The following PWWP3A variants were observed in gnomAD, a reference collection of about 807,000 sequenced individuals.
The protein encoded by PWWP3A is PWWP domain-containing DNA repair factor 3A.
A neutral mutation model predicts 79.0 loss-of-function variants in PWWP3A; 53 were observed. That is an observed-to-expected ratio of 0.67 (90% CI 0.54 to 0.84). PWWP3A has a LOEUF of 0.84. PWWP3A is among the 40% of genes least tolerant of loss of function. The probability of loss-of-function intolerance (pLI) is 0.00; values close to 1 mark genes in which losing one functional copy is unlikely to be tolerated. For synonymous variants in PWWP3A, 443 were observed against 394.4 expected, an observed-to-expected ratio of 1.12 and a Z score of -1.46; for missense variants, 973 against 948.0, an observed-to-expected ratio of 1.03 and a Z score of -0.35.
rs1405513451 is a variant in PWWP3A at position 1,377,047 on chromosome 19, C to G, written c.*471C>G. 1 of 152,992 alleles carries G rather than the reference C, an allele frequency of 6.5e-6. No individual in the cohort carries two copies. The highest frequency in any genetic ancestry group is 1.5e-5 in the Non-Finnish European group (1 of 68,690). 9.5% of individuals were successfully genotyped at this position (152,992 alleles called of 1,614,324 possible). A position where few individuals can be genotyped will look rare whatever the true frequency, so the allele number is the denominator to read the frequency against. On this transcript the variant is annotated 3_prime_UTR_variant, in exon 14 of 14. Transcript: ENST00000591337. ...CCCCTTGTGTGGTTTCCGCCTGCGACAGTTCCAGAATTTGCTCTCCCACTC... is the reference window on the plus strand; with the variant it reads ...CCCCTTGTGTGGTTTCCGCCTGCGAGAGTTCCAGAATTTGCTCTCCCACTC...
Position 1,360,934 on chromosome 19 carries a change from C to A in PWWP3A, c.1013C>A (p.Thr338Asn), listed in dbSNP as rs1229384442. Reference sequence around the variant, plus strand: ...GGGCCAGGGCCCAGAGAGTCTGTGACCCCGCGCAGCACCGCCAGGCTGGGC... The same window carrying A: ...GGGCCAGGGCCCAGAGAGTCTGTGAACCCGCGCAGCACCGCCAGGCTGGGC... ...GPGPGPRESVTPRSTARLGPP... is the reference protein window; with the variant it reads ...GPGPGPRESVNPRSTARLGPP... The change falls in exon 5 of 14, where the codon ACC (threonine) becomes AAC (asparagine). Residue 338 changes from threonine (T) to asparagine (N), a missense_variant. Physicochemically the swap from Thr to Asn is moderately conservative, Grantham distance 65. Coordinates refer to ENST00000591337, the MANE Select transcript of PWWP3A (RefSeq NM_001369789.1). This position sits in a 1 kb window ranked among gnomAD's most constrained non-coding sequence, Gnocchi z 4.4. 2.0e-6 allele frequency: 3 copies of A among 1,524,202 alleles called. 1 individual carries two copies. The highest frequency in any genetic ancestry group is 2.6e-6 in the Non-Finnish European group (3 of 1,135,034). The allele number at this position is 1,524,202 out of a possible 1,614,324, so 94.4% of individuals were successfully genotyped here.
chr19:1,366,258 A>G, intron 7 of PWWP3A, 47 bp from the exon 8 acceptor site: 1 of 1,584,904 alleles, frequency 6.3e-7, no homozygotes, highest in Non-Finnish European at 8.7e-7. Flanking sequence ...TTTAAAATCC[A>G]CGATCTCTTT....
chr19:1,369,729 A>G lies in PWWP3A; in HGVS notation c.1549+83A>G. ...CAATCTTCTATGTCTGAAGCTGTGG[A>G]AGGGGACGTTGGGGTCAAGGCACTG... On this transcript the variant is annotated intron_variant, in intron 11 of 13. Coordinates refer to ENST00000591337, the MANE Select transcript of PWWP3A (RefSeq NM_001369789.1). This position sits in a 1 kb window ranked among gnomAD's most constrained non-coding sequence, Gnocchi z 4.0. The G allele has an allele frequency of 6.7e-7, 1 of 1,482,256 alleles. No homozygotes were observed. The highest frequency in any genetic ancestry group is 1.7e-5 in the Admixed American group (1 of 59,832). The allele number at this position is 1,482,256 out of a possible 1,614,324, so 91.8% of individuals were successfully genotyped here.
Position 1,378,196 on chromosome 19 carries a change from C to T in PWWP3A, c.*1620C>T, listed in dbSNP as rs1317567073. ...GGGGACTCGGGGCGGCCAGTACCACCGCCTGAGGCGGGGCTCAGCAGCGTT... is the reference window on the plus strand; with the variant it reads ...GGGGACTCGGGGCGGCCAGTACCACTGCCTGAGGCGGGGCTCAGCAGCGTT... On this transcript the variant is annotated 3_prime_UTR_variant, in exon 14 of 14. Transcript: ENST00000591337. 3 of 152,286 alleles carry T rather than the reference C, an allele frequency of 2.0e-5. No individual in the cohort carries two copies. In the South Asian group the frequency reaches 6.2e-4, roughly 31 times the overall value. The allele number at this position is 152,286 out of a possible 1,614,324, so 9.4% of individuals were successfully genotyped here. A position where few individuals can be genotyped will look rare whatever the true frequency, so the allele number is the denominator to read the frequency against.
chr19:1,376,817 C>T lies in PWWP3A; in HGVS notation c.*241C>T, dbSNP rs567565027. 3 of 443,866 alleles carry T rather than the reference C, an allele frequency of 6.8e-6. No individual in the cohort carries two copies. Among genetic ancestry groups the T allele is most frequent in the Non-Finnish European group, 1.2e-5 (3 of 248,198 alleles). The allele number at this position is 443,866 out of a possible 1,614,324, so 27.5% of individuals were successfully genotyped here. ...ATTTTTGGCATTTTTTACAAGATAC[C>T]GTTCGGGAAAGGCTTTTGAAAGGAC... On this transcript the variant is annotated 3_prime_UTR_variant, in exon 14 of 14. Coordinates refer to ENST00000591337, the MANE Select transcript of PWWP3A (RefSeq NM_001369789.1).
intron 11 of PWWP3A, among the ~76,000 whole-genome samples, chr19:1,370,287 C>T (rs1024266069): frequency 6.6e-6 from 1 of 152,190 alleles, no homozygotes; most frequent in African/African-American, 2.4e-5. Context: ...ACTTCACTGT[C>T]GATCCAGCAT....
rs1352730124 is a variant in PWWP3A at position 1,360,926 on chromosome 19, G to A, written c.1005G>A (p.Glu335=). 6.5e-7 allele frequency: 1 copy of A among 1,535,824 alleles called. No individual in the cohort carries two copies. The highest frequency in any genetic ancestry group is 2.5e-5 in the East Asian group (1 of 40,760). Residue 335 remains glutamate (E), a synonymous_variant, in exon 5 of 14, where the codon GAG becomes GAA. Coordinates refer to ENST00000591337, the MANE Select transcript of PWWP3A (RefSeq NM_001369789.1). This position sits in a 1 kb window ranked among gnomAD's most constrained non-coding sequence, Gnocchi z 4.4. The part of the protein sequence containing the change: ...PSPGPGPGPR[E]SVTPRSTARL... ...CCGGGCCGGGGCCAGGGCCCAGAGA[G>A]TCTGTGACCCCGCGCAGCACCGCCA...
In PWWP3A at chr19:1,376,621, G is replaced by T; in HGVS notation, c.*45G>T. On this transcript the variant is annotated 3_prime_UTR_variant, in exon 14 of 14. Coordinates refer to ENST00000591337, the MANE Select transcript of PWWP3A (RefSeq NM_001369789.1). ...GTCAGCGGGGCCTGGCGGTGGAAGC[G>T]CCTCCAGTGTGCATGAGCGTGTCTG... 4 of 1,603,872 alleles carry T rather than the reference G, an allele frequency of 2.5e-6. No individual in the cohort carries two copies. In the Admixed American group the frequency reaches 6.7e-5, roughly 27 times the overall value.
chr19:1,364,523 G>A lies in PWWP3A; in HGVS notation c.1228G>A (p.Glu410Lys). 1 of 1,601,558 alleles carries A rather than the reference G, an allele frequency of 6.2e-7. No individual in the cohort carries two copies. The highest frequency in any genetic ancestry group is 8.5e-7 in the Non-Finnish European group (1 of 1,176,400). The change falls in exon 7 of 14, where the codon GAA becomes AAA. Residue 410 changes from glutamate (E) to lysine (K), a missense_variant. Transcript: ENST00000591337. ...VLLYHEPRSF[E>K]VGMLVWHKHK... ...TTTAATTCTAGAACCACGTTCGTTT[G>A]AAGTAGGAATGCTAGTCTGGCATAA...
chr19:1,360,456 G>A lies in PWWP3A; in HGVS notation c.535G>A (p.Gly179Arg), dbSNP rs2081985830. The change falls in exon 5 of 14, where the codon GGG becomes AGG. Residue 179 changes from glycine to arginine, a missense_variant. Coordinates refer to ENST00000591337, the MANE Select transcript of PWWP3A (RefSeq NM_001369789.1). This position sits in a 1 kb window ranked among gnomAD's most constrained non-coding sequence, Gnocchi z 4.4. ...CGAGTGCAAAGTGGACCACAAGAAGGGGCTCAGGAAAAGTGAAAACCCAAG... is the reference window on the plus strand; with the variant it reads ...CGAGTGCAAAGTGGACCACAAGAAGAGGCTCAGGAAAAGTGAAAACCCAAG... ...DPECKVDHKK[G>R]LRKSENPRGP... 6.2e-7 allele frequency: 1 copy of A among 1,614,056 alleles called. No homozygotes were observed. Among genetic ancestry groups the A allele is most frequent in the Admixed American group, 1.7e-5 (1 of 60,006 alleles).
At chr19:1,357,234 T>A in intron 3 of PWWP3A, 140 bp downstream of exon 3, 1 of 623,902 alleles carries the variant, frequency 1.6e-6, no homozygotes, top group Non-Finnish European at 2.8e-6. Context: ...TTAATGCTCA[T>A]AATAACCTCA....
intron 12 of PWWP3A, chr19:1,371,515 C>G (rs1249590763): frequency 3.1e-6 from 2 of 641,108 alleles, no homozygotes; most frequent in Middle Eastern, 2.5e-4. Flanking sequence ...TCTGATAAAC[C>G]CGTGGTAAGT....
In PWWP3A at chr19:1,370,989, C is replaced by A; in HGVS notation, c.1897C>A (p.Gln633Lys). ...GCTGGACCTGGTGGTGAAGTACCTG[C>A]AGGGCGTCTACCAGGAGGTGGGGGC... ...GQLDLVVKYL[Q>K]GVYQEVGAKV... is the part of the protein sequence containing the mutation. Residue 633 changes from glutamine (Q) to lysine (K), a missense_variant, in exon 12 of 14, where the codon CAG (glutamine) becomes AAG (lysine). By Grantham distance (53) the Gln-to-Lys change is moderately conservative. Coordinates refer to ENST00000591337, the MANE Select transcript of PWWP3A (RefSeq NM_001369789.1). 6.4e-7 allele frequency: 1 copy of A among 1,567,144 alleles called. No individual in the cohort carries two copies. Among genetic ancestry groups the A allele is most frequent in the East Asian group, 2.4e-5 (1 of 42,342 alleles).
intron 9 of PWWP3A, 89 bp downstream of exon 9, chr19:1,367,309 G>T (rs1171826149): frequency 1.7e-6 from 2 of 1,154,996 alleles, no homozygotes; most frequent in African/African-American, 3.1e-5. Flanking sequence ...GAAATCCATG[G>T]CTGCGGTGTA....
Position 1,360,364 on chromosome 19 carries a change from G to C in PWWP3A, c.443G>C (p.Arg148Thr). 1 of 1,614,140 alleles carries C rather than the reference G, an allele frequency of 6.2e-7. No individual in the cohort carries two copies. Among genetic ancestry groups the C allele is most frequent in the Non-Finnish European group, 8.5e-7 (1 of 1,180,036 alleles). Residue 148 changes from arginine (R) to threonine (T), a missense_variant, in exon 5 of 14, where the codon AGA becomes ACA. Transcript: ENST00000591337. This position sits in a 1 kb window ranked among gnomAD's most constrained non-coding sequence, Gnocchi z 4.4. ...CGCGGAGACGTGTTGGGCAGTTCCA[G>C]ACCTCACAGGAGGAGGCCATGTGTG... Reference protein sequence around the residue: ...LPRGDVLGSSRPHRRRPCVQQ... With the variant: ...LPRGDVLGSSTPHRRRPCVQQ...
At chr19:1,374,328 C>T (rs1235168459) in intron 13 of PWWP3A, 1 of 152,184 alleles carries the variant, frequency 6.6e-6, no homozygotes, top group Non-Finnish European at 1.5e-5. Context: ...AGCACACAGG[C>T]CGTGATTTCA....
chr19:1,366,914 G>A (rs893994485), intron 8 of PWWP3A, among the ~76,000 whole-genome samples: 10 of 152,232 alleles, frequency 6.6e-5, no homozygotes. Context: ...GAGGTGTGGA[G>A]TGGAGACCCA....
At chr19:1,361,397 C>T (rs891296438) in intron 5 of PWWP3A, among the ~76,000 whole-genome samples, 8 of 152,186 alleles carry the variant, frequency 5.3e-5, no homozygotes, top group South Asian at 2.1e-4. Context: ...GAAGCAGTAA[C>T]GCATTCCTAT....
rs2082417470 is a variant in PWWP3A at position 1,377,055 on chromosome 19, G to C, written c.*479G>C. 2 of 152,962 alleles carry C rather than the reference G, an allele frequency of 1.3e-5. No individual in the cohort carries two copies. Among genetic ancestry groups the C allele is most frequent in the Admixed American group, 6.5e-5 (1 of 15,272 alleles). 9.5% of individuals were successfully genotyped at this position (152,962 alleles called of 1,614,324 possible). A position where few individuals can be genotyped will look rare whatever the true frequency, so the allele number is the denominator to read the frequency against. On this transcript the variant is annotated 3_prime_UTR_variant, in exon 14 of 14. Coordinates refer to ENST00000591337, the MANE Select transcript of PWWP3A (RefSeq NM_001369789.1). ...GTGGTTTCCGCCTGCGACAGTTCCA[G>C]AATTTGCTCTCCCACTCAGTGTGCT...
Sources: gnomAD v4.1 joint callset for allele counts (sites outside exome capture counted in the v4.1 genomes callset) on GRCh38, gnomAD v4.1.1 for gene constraint, Gnocchi (gnomAD v3.1) non-coding constraint, MANE v1.5 for transcripts, NCBI Gene and HGNC (gene_info 2026-07-23, HGNC 2026-07-21) for gene names.